ZMAT4: variants seen among roughly 807,000 people sequenced by gnomAD.
ZMAT4 encodes zinc finger matrin-type 4.
Under a neutral mutation model 28.7 loss-of-function variants are expected in ZMAT4, and 17 were observed. That is an observed-to-expected ratio of 0.59 (90% confidence interval 0.41 to 0.89). The LOEUF (loss-of-function observed/expected upper bound fraction) is 0.89. Among genes scored for constraint, ZMAT4 ranks in the 40% least tolerant of loss-of-function variants. ZMAT4 has a pLI of 0.00. For synonymous variants in ZMAT4, 117 were observed against 109.2 expected (o/e 1.07, Z -0.44); for missense variants, 240 against 283.8 (o/e 0.85, Z 1.11).
intron 3 of ZMAT4, among the ~76,000 whole-genome samples, chr8:40,733,897 C>A (rs1351548280): frequency 6.6e-6 from 1 of 152,078 alleles, no homozygotes; most frequent in East Asian, 1.9e-4. Context: ...CCTGAAGGTG[C>A]TGACACCTTG....
chr8:40,692,149 T>A (rs1308077788), intron 4 of ZMAT4, among the ~76,000 whole-genome samples: 1 of 152,180 alleles, frequency 6.6e-6, no homozygotes, highest in Non-Finnish European at 1.5e-5. Context: ...TGCCCAGAGG[T>A]ACAGTCATGA....
At chr8:40,853,118 T>C (rs1370732542) in intron 1 of ZMAT4, among the ~76,000 whole-genome samples, 1 of 152,214 alleles carries the variant, frequency 6.6e-6, no homozygotes, top group Non-Finnish European at 1.5e-5. Context: ...CTAGGTCATT[T>C]CACAACTCAA....
At chr8:40,583,696 C>T in intron 5 of ZMAT4, among the ~76,000 whole-genome samples, 1 of 152,110 alleles carries the variant, frequency 6.6e-6, no homozygotes, top group Non-Finnish European at 1.5e-5. Context: ...GTACAGCTTG[C>T]TCCTATGCAT....
At chr8:40,620,511 C>T (rs1232356321) in intron 5 of ZMAT4, among the ~76,000 whole-genome samples, 1 of 152,120 alleles carries the variant, frequency 6.6e-6, no homozygotes, top group African/African-American at 2.4e-5. Context: ...CCTGAGGAAT[C>T]CCATTTAATA....
At chr8:40,728,949 CTT>C (rs1811420028) in intron 3 of ZMAT4, among the ~76,000 whole-genome samples, 1 of 152,150 alleles carries the variant, frequency 6.6e-6, no homozygotes, top group Non-Finnish European at 1.5e-5. Flanking sequence ...AGTATGGTCT[CTT>C]TTGTGTTTGG....
intron 2 of ZMAT4, among the ~76,000 whole-genome samples, chr8:40,820,965 A>T (rs930586874): frequency 2.1e-5 from 1 of 47,726 alleles, no homozygotes; most frequent in East Asian, 7.6e-4. Flanking sequence ...GTCTGTGTGT[A>T]TGTGTGTATG....
At chr8:40,867,290 T>G (rs1395309716) in intron 1 of ZMAT4, among the ~76,000 whole-genome samples, 1 of 151,036 alleles carries the variant, frequency 6.6e-6, no homozygotes, top group African/African-American at 2.4e-5. Flanking sequence ...TCTAAGAAAG[T>G]TTAAGCATTT....
intron 3 of ZMAT4, among the ~76,000 whole-genome samples, chr8:40,747,928 AT>A (rs939456951): frequency 1.1e-4 from 17 of 152,160 alleles, no homozygotes; most frequent in South Asian, 2.1e-4. Flanking sequence ...ATGAAACAAG[AT>A]TTTTTTCTTT....
At chr8:40,895,877 G>A (rs964432126) in intron 1 of ZMAT4, among the ~76,000 whole-genome samples, 6 of 152,202 alleles carry the variant, frequency 3.9e-5, no homozygotes, top group Admixed American at 1.3e-4. Flanking sequence ...CTCCCTGGGG[G>A]TCACGTGCCC....
At chr8:40,846,491 G>A (rs1816903931) in intron 1 of ZMAT4, among the ~76,000 whole-genome samples, 1 of 152,170 alleles carries the variant, frequency 6.6e-6, no homozygotes, top group Non-Finnish European at 1.5e-5. Context: ...TAAAGTCACT[G>A]GGTGTTTGAT....
chr8:40,751,323 C>T (rs1420038225), intron 3 of ZMAT4, among the ~76,000 whole-genome samples: 3 of 152,042 alleles, frequency 2.0e-5, no homozygotes, highest in Non-Finnish European at 2.9e-5. Flanking sequence ...GGTGAGGCCT[C>T]GGGAAGCTTC....
chr8:40,730,638 G>A (rs891009719), intron 3 of ZMAT4, among the ~76,000 whole-genome samples: 15 of 152,080 alleles, frequency 9.9e-5, no homozygotes, highest in African/African-American at 3.6e-4. Context: ...TGTCTGAGTG[G>A]GATTGACATA....
intron 1 of ZMAT4, among the ~76,000 whole-genome samples, chr8:40,837,384 G>T (rs1816533889): frequency 6.6e-6 from 1 of 152,134 alleles, no homozygotes; most frequent in African/African-American, 2.4e-5. Flanking sequence ...AACCCCTGGT[G>T]CCCACTGGAC....
At chr8:40,797,841 T>C (rs1814662147) in intron 2 of ZMAT4, among the ~76,000 whole-genome samples, 1 of 152,138 alleles carries the variant, frequency 6.6e-6, no homozygotes, top group South Asian at 2.1e-4. Context: ...GTGTTGAACA[T>C]TAGAACATGC....
intron 2 of ZMAT4, among the ~76,000 whole-genome samples, chr8:40,803,655 GGAAGA>G (rs1563495258): frequency 3.3e-5 from 5 of 152,170 alleles, no homozygotes; most frequent in Admixed American, 2.0e-4. Flanking sequence ...CAGCCACTTT[GGAAGA>G]CAATTTGGCA....
chr8:40,896,068 C>T (rs761367037), intron 1 of ZMAT4, among the ~76,000 whole-genome samples: 88 of 152,030 alleles, frequency 5.8e-4, no homozygotes, highest in Non-Finnish European at 1.1e-3. Flanking sequence ...TGACACCCCC[C>T]CCAAAAAAAA....
chr8:40,862,561 A>G (rs1586184402), intron 1 of ZMAT4, among the ~76,000 whole-genome samples: 1 of 131,908 alleles, frequency 7.6e-6, no homozygotes, highest in South Asian at 2.6e-4. Flanking sequence ...CCTAAAACTT[A>G]GAGTATAATA....
intron 2 of ZMAT4, among the ~76,000 whole-genome samples, chr8:40,810,354 A>C (rs892303401): frequency 4.6e-5 from 7 of 152,206 alleles, no homozygotes; most frequent in African/African-American, 1.4e-4. Flanking sequence ...ACAGTAACTA[A>C]ATACAGTAAA....
chr8:40,640,215 C>T (rs533884283), intron 5 of ZMAT4, among the ~76,000 whole-genome samples: 1 of 152,262 alleles, frequency 6.6e-6, no homozygotes, highest in African/African-American at 2.4e-5. Flanking sequence ...TGGGCCCAAG[C>T]AATCCTCCTG....
Sources: allele counts gnomAD v4.1 joint callset (sites outside exome capture counted in the v4.1 genomes callset), GRCh38; gene constraint gnomAD v4.1.1; transcripts MANE v1.5; gene names NCBI Gene and HGNC (gene_info 2026-07-23, HGNC 2026-07-21).